Variants in BTBD1 observed in about 807,000 individuals in gnomAD.
BTBD1 encodes the protein BTB domain containing 1, also known as BTB/POZ domain-containing protein 1.
A neutral mutation model predicts 48.0 loss-of-function variants in BTBD1; 34 were observed. The ratio of observed to expected loss-of-function variants is 0.71; its 90% CI spans 0.54 to 0.94. The LOEUF (loss-of-function observed/expected upper bound fraction) is 0.94. Among genes scored for constraint, BTBD1 ranks in the 40% least tolerant of loss-of-function variants. The probability of loss-of-function intolerance (pLI) is 0.00; values close to 1 mark genes in which losing one functional copy is unlikely to be tolerated. For missense variants in BTBD1, 543 were observed against 625.6 expected, an observed-to-expected ratio of 0.87 and a Z score of 1.41; for synonymous variants, 261 against 242.1, an observed-to-expected ratio of 1.08 and a Z score of -0.72.
chr15:83,042,348 T>TTATATATATATATATATATGTATA (rs2032777958), intron 3 of BTBD1, among the ~76,000 whole-genome samples: 4 of 109,896 alleles, frequency 3.6e-5, no homozygotes, highest in African/African-American at 1.5e-4. Context: ...TTAGGCAATT[T>TTATATATATATATATATATGTATA]TATATATATA....
At chr15:83,062,112 A>G (rs1178387816) in intron 1 of BTBD1, among the ~76,000 whole-genome samples, 1 of 152,222 alleles carries the variant, frequency 6.6e-6, no homozygotes, top group Non-Finnish European at 1.5e-5. Flanking sequence ...GTGGATGGAG[A>G]GGAGATGAAG....
At chr15:83,066,082 AG>A in intron 1 of BTBD1, among the ~76,000 whole-genome samples, 1 of 152,154 alleles carries the variant, frequency 6.6e-6, no homozygotes, top group Non-Finnish European at 1.5e-5. Flanking sequence ...GCTTGACCCC[AG>A]GAGTCCGAGA....
intron 4 of BTBD1, among the ~76,000 whole-genome samples, chr15:83,032,842 G>A (rs897781565): frequency 3.3e-5 from 5 of 151,630 alleles, no homozygotes; most frequent in Non-Finnish European, 7.4e-5. Flanking sequence ...GGCGGTGGTG[G>A]GTGCCTGTGA....
At chr15:83,043,062 G>C (rs1366579593) in intron 3 of BTBD1, among the ~76,000 whole-genome samples, 1 of 152,152 alleles carries the variant, frequency 6.6e-6, no homozygotes, top group African/African-American at 2.4e-5. Flanking sequence ...AGGATCACTC[G>C]AGCCTGGGAG....
Position 83,066,760 on chromosome 15 carries a change from G to A in BTBD1, c.392C>T (p.Ala131Val), listed in dbSNP as rs760543525. 11 of 1,409,476 alleles carry A rather than the reference G, an allele frequency of 7.8e-6. No individual in the cohort carries two copies. The highest frequency in any genetic ancestry group is 4.9e-4 in the Middle Eastern group (2 of 4,122). The allele number at this position is 1,409,476 out of a possible 1,614,324, so 87.3% of individuals were successfully genotyped here. A position where few individuals can be genotyped will look rare whatever the true frequency, so the allele number is the denominator to read the frequency against. ...LPDVEPAAFL[A>V]LLRFLYSDEV... ...CCGCGCTGCCGCTCACCTCAGCAGCGCCAGGAAGGCTGCGGGCTCCACGTC... is the reference window on the plus strand; with the variant it reads ...CCGCGCTGCCGCTCACCTCAGCAGCACCAGGAAGGCTGCGGGCTCCACGTC... Residue 131 changes from alanine to valine, a missense_variant, in exon 1 of 8, where the codon GCG becomes GTG. Around this residue, in one of 3 missense-constraint regions of BTBD1, gnomAD observed 70 missense variants for 111.7 expected, o/e 0.63. Transcript: ENST00000261721.
At chr15:83,036,147 G>A (rs892310457) in intron 4 of BTBD1, among the ~76,000 whole-genome samples, 219 of 51,382 alleles carry the variant, frequency 4.3e-3, no homozygotes, top group African/African-American at 6.0e-3. Flanking sequence ...TCCTCTAAAA[G>A]AAAGCAAGAA....
intron 2 of BTBD1, among the ~76,000 whole-genome samples, chr15:83,051,042 A>T (rs74940234): frequency 2.6e-5 from 4 of 152,204 alleles, no homozygotes; most frequent in African/African-American, 9.6e-5. Flanking sequence ...AAAAAAAAAA[A>T]AACAGTTTAT....
At chr15:83,046,752 C>T (rs1172366458) in intron 3 of BTBD1, among the ~76,000 whole-genome samples, 1 of 152,170 alleles carries the variant, frequency 6.6e-6, no homozygotes, top group Non-Finnish European at 1.5e-5. Flanking sequence ...TCAACAGACA[C>T]CACATGCAGG....
intron 4 of BTBD1, among the ~76,000 whole-genome samples, chr15:83,040,376 C>T (rs904655436): frequency 1.7e-4 from 26 of 152,124 alleles, no homozygotes; most frequent in African/African-American, 5.8e-4. Flanking sequence ...CACGTTACCC[C>T]GAATTTAAAA....
At chr15:83,032,916 G>A (rs2032548492) in intron 4 of BTBD1, among the ~76,000 whole-genome samples, 1 of 139,568 alleles carries the variant, frequency 7.2e-6, no homozygotes, top group African/African-American at 2.8e-5. Context: ...AGGTTGCACT[G>A]AGATGAAATT....
At chr15:83,021,168 T>G (rs2032286603) in intron 5 of BTBD1, among the ~76,000 whole-genome samples, 1 of 152,210 alleles carries the variant, frequency 6.6e-6, no homozygotes, top group Non-Finnish European at 1.5e-5. Context: ...GTACTAGGCT[T>G]GGCACTGCGG....
intron 4 of BTBD1, among the ~76,000 whole-genome samples, chr15:83,040,010 CACACACGG>C (rs1416452000): frequency 6.7e-6 from 1 of 150,196 alleles, no homozygotes; most frequent in African/African-American, 2.5e-5. Flanking sequence ...CACACACACA[CACACACGG>C]ACACACACAC....
chr15:83,062,096 C>T (rs576696401), intron 1 of BTBD1, among the ~76,000 whole-genome samples: 1 of 152,312 alleles, frequency 6.6e-6, no homozygotes, highest in African/African-American at 2.4e-5. Flanking sequence ...AGGGTTGAAA[C>T]ACTGAGTGGA....
At chr15:83,065,200 C>T (rs1381908238) in intron 1 of BTBD1, among the ~76,000 whole-genome samples, 3 of 152,226 alleles carry the variant, frequency 2.0e-5, no homozygotes, top group African/African-American at 7.2e-5. Flanking sequence ...TACTTGAATG[C>T]TTCTTACGTG....
chr15:83,027,308 C>T (rs1194791579), intron 5 of BTBD1, among the ~76,000 whole-genome samples: 2 of 152,218 alleles, frequency 1.3e-5, no homozygotes, highest in Non-Finnish European at 2.9e-5. Flanking sequence ...GCCGGGATCG[C>T]ACCACTGCAC....
intron 1 of BTBD1, among the ~76,000 whole-genome samples, chr15:83,062,854 C>T (rs550750160): frequency 1.3e-5 from 2 of 152,120 alleles, no homozygotes; most frequent in Non-Finnish European, 2.9e-5. Flanking sequence ...ATTCTCTGTT[C>T]CCCTTTGCAA....
At chr15:83,035,608 T>C (rs527789037) in intron 4 of BTBD1, among the ~76,000 whole-genome samples, 1 of 151,996 alleles carries the variant, frequency 6.6e-6, no homozygotes, top group African/African-American at 2.4e-5. Flanking sequence ...CTTAAATATA[T>C]GCATTCAAAA....
In BTBD1 at chr15:83,067,195, G is replaced by A. The variant is rs766139672; in HGVS notation, c.-44C>T. The A allele has an allele frequency of 2.9e-6, 4 of 1,356,284 alleles. No homozygotes were observed. Among genetic ancestry groups the A allele is most frequent in the Admixed American group, 3.6e-5 (1 of 27,506 alleles). 84.0% of individuals were successfully genotyped at this position (1,356,284 alleles called of 1,614,324 possible). A position where few individuals can be genotyped will look rare whatever the true frequency, so the allele number is the denominator to read the frequency against. On this transcript the variant is annotated 5_prime_UTR_variant, in exon 1 of 8. Transcript: ENST00000261721. ...CCCACGTTATGGACAAAACTCCGCC[G>A]CCATCGCCCAGGCCGCCTCCGGAGG...
rs753158383 is a variant in BTBD1, at chr15:83,056,539, T to C, written c.408A>G (p.Leu136=). Residue 136 remains leucine (L), a synonymous_variant, in exon 2 of 8, where the codon CTA becomes CTG. Coordinates refer to ENST00000261721, the MANE Select transcript of BTBD1 (RefSeq NM_025238.4). ...GACCAATTTGAACTTCATCTGAATA[T>C]AGAAATCTGGAAAACAATTGGCATA... ...PAAFLALLRF[L]YSDEVQIGPE... is the part of the protein sequence containing the mutation. 2.0e-5 allele frequency: 33 copies of C among 1,613,170 alleles called. No individual in the cohort carries two copies. The highest frequency in any genetic ancestry group is 6.7e-5 in the Admixed American group (4 of 59,898).
Sources: gnomAD v4.1 joint callset for allele counts (sites outside exome capture counted in the v4.1 genomes callset) on GRCh38, gnomAD v4.1.1 for gene constraint, gnomAD v4.1.1 regional missense constraint, MANE v1.5 for transcripts, NCBI Gene and HGNC (gene_info 2026-07-23, HGNC 2026-07-21) for gene names.